Variants in CCDC178 observed in about 807,000 individuals in gnomAD.
CCDC178 encodes the protein coiled-coil domain containing 178.
A neutral mutation model predicts 117.4 loss-of-function variants in CCDC178; 126 were observed. The ratio of observed to expected loss-of-function variants is 1.07; its 90% CI spans 0.93 to 1.24. The LOEUF is 1.24. Ranked by LOEUF, CCDC178 falls within the 50% of genes most tolerant of loss-of-function variation. CCDC178 has a pLI of 0.00. For synonymous variants in CCDC178, 283 were observed against 313.4 expected (o/e 0.90, Z 1.02); for missense variants, 1,030 against 986.9 (o/e 1.04, Z -0.59).
chr18:33,407,457 A>G (rs541791941), intron 3 of CCDC178, among the ~76,000 whole-genome samples: 1 of 152,128 alleles, frequency 6.6e-6, no homozygotes, highest in Non-Finnish European at 1.5e-5. Context: ...AATACAAAGC[A>G]AAATAACAAC....
chr18:33,220,917 A>G (rs1361240185), intron 18 of CCDC178, among the ~76,000 whole-genome samples: 2 of 152,084 alleles, frequency 1.3e-5, no homozygotes, highest in Non-Finnish European at 2.9e-5. Context: ...GAGAAGTGCC[A>G]CTACCAAGGA....
intron 14 of CCDC178, among the ~76,000 whole-genome samples, chr18:33,262,193 A>T (rs2059758951): frequency 1.3e-5 from 2 of 152,236 alleles, no homozygotes; most frequent in South Asian, 4.1e-4. Context: ...AAACAGATGA[A>T]GGAAAAAATG....
At chr18:33,379,643 T>G (rs1365083834) in intron 5 of CCDC178, among the ~76,000 whole-genome samples, 1 of 152,096 alleles carries the variant, frequency 6.6e-6, no homozygotes, top group Non-Finnish European at 1.5e-5. Flanking sequence ...ACATCCTCAT[T>G]CCTAAGTTCT....
At chr18:33,021,134 C>T (rs533693812) in intron 21 of CCDC178, among the ~76,000 whole-genome samples, 1 of 152,110 alleles carries the variant, frequency 6.6e-6, no homozygotes, top group Admixed American at 6.5e-5. Flanking sequence ...TTAATTGAAG[C>T]GACATGATAA....
chr18:33,221,287 C>T (rs2059230793), intron 18 of CCDC178, among the ~76,000 whole-genome samples: 2 of 152,098 alleles, frequency 1.3e-5, no homozygotes, highest in Non-Finnish European at 2.9e-5. Context: ...AAAAAGTAAG[C>T]TGACTCTAAC....
At chr18:33,317,079 C>T (rs1168950893) in intron 11 of CCDC178, among the ~76,000 whole-genome samples, 1 of 152,094 alleles carries the variant, frequency 6.6e-6, no homozygotes, top group East Asian at 1.9e-4. Flanking sequence ...AATCAGGCTG[C>T]CCAAGCCAGC....
At chr18:33,417,731 T>C (rs1599296249) in intron 2 of CCDC178, among the ~76,000 whole-genome samples, 1 of 152,188 alleles carries the variant, frequency 6.6e-6, no homozygotes, top group Non-Finnish European at 1.5e-5. Flanking sequence ...TGTGTATTTC[T>C]AAGCAATTTC....
At chr18:33,011,610 G>A (rs2144799475) in intron 21 of CCDC178, among the ~76,000 whole-genome samples, 1 of 151,698 alleles carries the variant, frequency 6.6e-6, no homozygotes, top group East Asian at 1.9e-4. Flanking sequence ...AAAGACACAT[G>A]CTTGACTTTA....
At chr18:33,028,779 C>A (rs1044164682) in intron 21 of CCDC178, among the ~76,000 whole-genome samples, 1 of 151,476 alleles carries the variant, frequency 6.6e-6, no homozygotes, top group Non-Finnish European at 1.5e-5. Context: ...TATTAAGATG[C>A]TCCTATTTTT....
At chr18:33,387,167 T>C (rs1382126021) in intron 5 of CCDC178, among the ~76,000 whole-genome samples, 1 of 152,126 alleles carries the variant, frequency 6.6e-6, no homozygotes, top group Non-Finnish European at 1.5e-5. Context: ...GAAGGGCCTC[T>C]TCAAGGAGTA....
intron 21 of CCDC178, among the ~76,000 whole-genome samples, chr18:33,087,900 C>T (rs2057405398): frequency 6.6e-6 from 1 of 152,132 alleles, no homozygotes; most frequent in East Asian, 1.9e-4. Context: ...CACATCGATA[C>T]AAAGTGAGTA....
At chr18:33,183,066 CT>C (rs1411657424) in intron 20 of CCDC178, among the ~76,000 whole-genome samples, 4 of 151,974 alleles carry the variant, frequency 2.6e-5, no homozygotes, top group Non-Finnish European at 4.4e-5. Flanking sequence ...CTTGATAAAT[CT>C]GGTTTTTAAA....
chr18:33,248,517 G>T (rs1011535287), intron 14 of CCDC178, among the ~76,000 whole-genome samples: 1 of 150,648 alleles, frequency 6.6e-6, no homozygotes, highest in Non-Finnish European at 1.5e-5. Context: ...AACATGTGGT[G>T]TTTGGTTTTT....
chr18:32,973,921 TTAAG>T (rs141065548), intron 22 of CCDC178, among the ~76,000 whole-genome samples: 67 of 152,274 alleles, frequency 4.4e-4, no homozygotes, highest in African/African-American at 1.6e-3. Context: ...TTTTAAAAGT[TTAAG>T]TAATATTTAA....
At chr18:33,279,668 A>C (rs1003834063) in intron 12 of CCDC178, among the ~76,000 whole-genome samples, 2 of 152,184 alleles carry the variant, frequency 1.3e-5, no homozygotes, top group African/African-American at 4.8e-5. Flanking sequence ...CAAAAGAACA[A>C]AGCTGGAGGC....
chr18:33,361,943 T>A (rs912331043), intron 6 of CCDC178, among the ~76,000 whole-genome samples: 1 of 151,748 alleles, frequency 6.6e-6, no homozygotes, highest in South Asian at 2.1e-4. Context: ...CAGCAATTCA[T>A]CTTTTAGGTA....
chr18:33,257,117 C>G (rs1366546053), intron 14 of CCDC178, among the ~76,000 whole-genome samples: 1 of 151,926 alleles, frequency 6.6e-6, no homozygotes, highest in East Asian at 1.9e-4. Flanking sequence ...GTGTGAGAAT[C>G]TTGTATGGCC....
intron 21 of CCDC178, among the ~76,000 whole-genome samples, chr18:33,037,348 A>T (rs2056463841): frequency 1.3e-5 from 2 of 151,780 alleles, no homozygotes; most frequent in Admixed American, 6.6e-5. Flanking sequence ...TTTCTTATCA[A>T]TTTTTCCAGG....
chr18:33,134,789 T>A (rs1042961792), intron 20 of CCDC178, among the ~76,000 whole-genome samples: 2 of 152,092 alleles, frequency 1.3e-5, no homozygotes, highest in Non-Finnish European at 2.9e-5. Flanking sequence ...TATGAAAGAT[T>A]GAGTTTTCAC....
Sources: gnomAD v4.1 joint callset for allele counts (sites outside exome capture counted in the v4.1 genomes callset) on GRCh38, gnomAD v4.1.1 for gene constraint, MANE v1.5 for transcripts, NCBI Gene and HGNC (gene_info 2026-07-23, HGNC 2026-07-21) for gene names.